WWOX: variants seen among roughly 807,000 people sequenced by gnomAD.
WWOX encodes WW domain containing oxidoreductase, also known as WW domain-containing oxidoreductase.
WWOX carries 69 observed loss-of-function variants against 46.2 expected under a neutral mutation model. That is an observed-to-expected ratio of 1.49 (90% CI 1.23 to 1.82). The LOEUF (loss-of-function observed/expected upper bound fraction) is 1.82, where lower values mean the gene tolerates loss of function less well. Among genes scored for constraint, WWOX ranks in the 40% most tolerant of loss-of-function variants. The probability of loss-of-function intolerance (pLI) is 0.00; values close to 1 mark genes in which losing one functional copy is unlikely to be tolerated. For missense variants in WWOX, 919 were observed against 542.6 expected (o/e 1.69, Z -6.89); for synonymous variants, 359 against 202.6 (o/e 1.77, Z -6.56).
chr16:78,160,559 C>T (rs1567605663), intron 4 of WWOX, among the ~76,000 whole-genome samples: 1 of 152,088 alleles, frequency 6.6e-6, no homozygotes, highest in Non-Finnish European at 1.5e-5. Flanking sequence ...TTTTTTGAGC[C>T]ATAATGTCTT....
chr16:78,196,432 G>C (rs1282215869), intron 5 of WWOX, among the ~76,000 whole-genome samples: 1 of 152,182 alleles, frequency 6.6e-6, no homozygotes, highest in Non-Finnish European at 1.5e-5. Flanking sequence ...CTTTTGCAAA[G>C]AGAAATCTGA....
At chr16:78,145,054 T>C (rs534727189) in intron 4 of WWOX, among the ~76,000 whole-genome samples, 1 of 152,154 alleles carries the variant, frequency 6.6e-6, no homozygotes, top group South Asian at 2.1e-4. Flanking sequence ...ACAAATTGGG[T>C]AGCTTAAACA....
intron 8 of WWOX, among the ~76,000 whole-genome samples, chr16:78,818,513 T>G (rs896138291): frequency 1.3e-5 from 2 of 152,200 alleles, no homozygotes; most frequent in African/African-American, 4.8e-5. Flanking sequence ...AGAGGATCAC[T>G]TGAAGCCAGG....
At chr16:78,418,020 G>C (rs1487674158) in intron 6 of WWOX, among the ~76,000 whole-genome samples, 3 of 152,118 alleles carry the variant, frequency 2.0e-5, no homozygotes, top group African/African-American at 7.2e-5. Context: ...GATTAAATAC[G>C]TTTTTCTAGT....
chr16:78,599,220 G>A (rs1005527647), intron 8 of WWOX, among the ~76,000 whole-genome samples: 16 of 152,200 alleles, frequency 1.1e-4, no homozygotes, highest in African/African-American at 3.9e-4. Flanking sequence ...TCTGCGTCTT[G>A]CACATTTTCC....
intron 5 of WWOX, among the ~76,000 whole-genome samples, chr16:78,210,761 C>G (rs141592676): frequency 2.3e-4 from 35 of 152,328 alleles, no homozygotes; most frequent in African/African-American, 3.6e-4. Flanking sequence ...TTCATCATCT[C>G]TAATATCCAT....
intron 8 of WWOX, among the ~76,000 whole-genome samples, chr16:79,199,524 T>C (rs1369609143): frequency 1.3e-5 from 2 of 152,212 alleles, no homozygotes; most frequent in Non-Finnish European, 2.9e-5. Context: ...AATTATGTTA[T>C]GAAGTCATTT....
At chr16:78,876,565 G>C (rs1079636) in intron 8 of WWOX, among the ~76,000 whole-genome samples, 43,878 of 151,258 alleles carry the variant, frequency 0.29, 6,562 homozygotes, top group Middle Eastern at 0.44. Flanking sequence ...CTCTCTCCCA[G>C]TGTCTTTAAT....
chr16:78,400,351 C>G (rs2082382471), intron 6 of WWOX, among the ~76,000 whole-genome samples: 1 of 152,112 alleles, frequency 6.6e-6, no homozygotes, highest in South Asian at 2.1e-4. Context: ...CCTCGATTTC[C>G]CACCTCAGAT....
At chr16:79,005,666 GTTC>G (rs772002179) in intron 8 of WWOX, among the ~76,000 whole-genome samples, 8 of 152,042 alleles carry the variant, frequency 5.3e-5, no homozygotes, top group Admixed American at 2.0e-4. Flanking sequence ...TGTCTTCAAT[GTTC>G]TTCTTATAAG....
chr16:78,432,432 A>C, intron 7 of WWOX, 56 bp from the exon 8 acceptor site: 1 of 1,602,912 alleles, frequency 6.2e-7, no homozygotes, highest in Non-Finnish European at 8.5e-7. Flanking sequence ...TAAAAATAAA[A>C]AGCTGTGTGG....
intron 8 of WWOX, among the ~76,000 whole-genome samples, chr16:78,701,458 G>A (rs999860221): frequency 1.9e-4 from 29 of 152,100 alleles, no homozygotes; most frequent in African/African-American, 6.3e-4. Flanking sequence ...ATAGGTGGCA[G>A]TGCTGGAATT....
intron 8 of WWOX, among the ~76,000 whole-genome samples, chr16:78,692,911 A>G: frequency 6.6e-6 from 1 of 152,222 alleles, no homozygotes; most frequent in Non-Finnish European, 1.5e-5. Flanking sequence ...AATAGAAGAT[A>G]TCGTTTGCAT....
intron 8 of WWOX, among the ~76,000 whole-genome samples, chr16:78,983,449 G>A (rs1164039404): frequency 3.3e-5 from 5 of 152,176 alleles, no homozygotes; most frequent in Non-Finnish European, 7.3e-5. Flanking sequence ...AAACTGAACA[G>A]GTGTTATGTG....
chr16:78,603,790 G>A (rs1363733887), intron 8 of WWOX, among the ~76,000 whole-genome samples: 4 of 152,126 alleles, frequency 2.6e-5, no homozygotes, highest in Non-Finnish European at 5.9e-5. Flanking sequence ...CAAGTGGGGT[G>A]GGGACAGACA....
chr16:78,739,194 G>C (rs985373828), intron 8 of WWOX, among the ~76,000 whole-genome samples: 1 of 151,956 alleles, frequency 6.6e-6, no homozygotes, highest in Non-Finnish European at 1.5e-5. Flanking sequence ...GGATTCTTAA[G>C]TACCCGGCTA....
intron 8 of WWOX, among the ~76,000 whole-genome samples, chr16:78,856,932 G>A (rs993360432): frequency 6.6e-6 from 1 of 152,186 alleles, no homozygotes; most frequent in Non-Finnish European, 1.5e-5. Flanking sequence ...GCTAGGTAGA[G>A]CATATTGCTC....
At chr16:78,229,979 A>C (rs2037199468) in intron 5 of WWOX, among the ~76,000 whole-genome samples, 1 of 152,060 alleles carries the variant, frequency 6.6e-6, no homozygotes, top group African/African-American at 2.4e-5. Context: ...TCTGGGGCTC[A>C]AGCGATCCTT....
intron 8 of WWOX, among the ~76,000 whole-genome samples, chr16:79,055,644 G>A (rs1465254764): frequency 1.3e-5 from 2 of 152,208 alleles, no homozygotes; most frequent in East Asian, 1.9e-4. Flanking sequence ...TTTTAAAGGT[G>A]TATGTTTGGG....
Sources: allele counts gnomAD v4.1 joint callset (sites outside exome capture counted in the v4.1 genomes callset), GRCh38; gene constraint gnomAD v4.1.1; transcripts MANE v1.5; gene names NCBI Gene and HGNC (gene_info 2026-07-23, HGNC 2026-07-21).